The following LRCH1 variants were observed in gnomAD, a reference collection of about 807,000 sequenced individuals.
LRCH1 encodes the protein leucine-rich repeat and calponin homology domain-containing protein 1.
LRCH1 carries 23 observed loss-of-function variants against 94.9 expected under a neutral mutation model. The ratio of observed to expected loss-of-function variants is 0.24; its 90% CI spans 0.17 to 0.34. The LOEUF (loss-of-function observed/expected upper bound fraction) is 0.34, where lower values mean the gene tolerates loss of function less well. Ranked by LOEUF, LRCH1 falls within the 10% of genes least tolerant of loss-of-function variation. The pLI, the probability that LRCH1 is intolerant of heterozygous loss-of-function variation, is 1.00. For missense variants in LRCH1, 790 were observed against 945.9 expected (o/e 0.84, Z 2.16); for synonymous variants, 364 against 354.9 (o/e 1.03, Z -0.29).
rs1871685971 is a variant in LRCH1 at position 46,705,126 on chromosome 13, G to A, written c.1459G>A (p.Glu487Lys). 5 of 1,609,264 alleles carry A rather than the reference G, an allele frequency of 3.1e-6. No individual in the cohort carries two copies. The highest frequency in any genetic ancestry group is 1.3e-5 in the African/African-American group (1 of 74,750). ...AAACCTATATCCTATGGGATCAGCA[G>A]AAGCCTTAGAATTACAAGATTCTGC... is the stretch of plus-strand genomic sequence containing the variant. ...VLNLYPMGSA[E>K]ALELQDSALN... Residue 487 changes from glutamate (E) to lysine (K), a missense_variant, in exon 12 of 20, where the codon GAA becomes AAA. By Grantham distance (56) the Glu-to-Lys change is moderately conservative (BLOSUM62 1). This residue lies in a region of LRCH1 where 460 missense variants were observed against 508.9 expected (regional missense o/e 0.90). Transcript: ENST00000389797.
chr13:46,728,900 C>G lies in LRCH1; in HGVS notation c.1923C>G (p.Leu641=), dbSNP rs762945419. 1.2e-6 allele frequency: 2 copies of G among 1,613,554 alleles called. No homozygotes were observed. The highest frequency in any genetic ancestry group is 1.3e-5 in the African/African-American group (1 of 74,930). The stretch of plus-strand genomic sequence containing the variant: ...TACACGAAGACCTGGGGGCAGCCCT[C>G]ATGGATGGTGTCGTCCTCTGCCATC... ...VSLHEDLGAA[L]MDGVVLCHLV... Residue 641 remains leucine, a synonymous_variant, in exon 18 of 20, where the codon CTC becomes CTG. Coordinates refer to ENST00000389797, the MANE Select transcript of LRCH1 (RefSeq NM_001164211.2).
At chr13:46,746,886 C>T (rs965186410), downstream of LRCH1, among the ~76,000 whole-genome samples, 7 of 152,172 alleles carry the variant, frequency 4.6e-5, no homozygotes, top group African/African-American at 1.7e-4. Flanking sequence ...TGGGACGCCT[C>T]CTGGTTGGAA....
chr13:46,750,137 C>T (rs17068800), intron 18 of LRCH1, among the ~76,000 whole-genome samples: 1,561 of 152,108 alleles, frequency 0.01, 28 homozygotes, highest in African/African-American at 0.035. Flanking sequence ...AATGTGTGGT[C>T]GGTACAAATG....
At position 46,741,842 on chromosome 13, in the gene LRCH1, C is replaced by T. The variant is rs535116701; in HGVS notation, c.2286C>T (p.Ser762=). 2.8e-5 allele frequency: 45 copies of T among 1,613,972 alleles called. No homozygotes were observed. The highest frequency in any genetic ancestry group is 1.7e-4 in the Middle Eastern group (1 of 5,876). Residue 762 remains serine (S), a synonymous_variant, in exon 20 of 20, where the codon TCC becomes TCT. Coordinates refer to ENST00000389797, the MANE Select transcript of LRCH1 (RefSeq NM_001164211.2). ...TCACTTACCACTGGAATGCTCTGTCCGCATAATGTCTGCACGTGCATCCAA... is the reference window on the plus strand; with the variant it reads ...TCACTTACCACTGGAATGCTCTGTCTGCATAATGTCTGCACGTGCATCCAA... The part of the protein sequence containing the change: ...VYITYHWNAL[S]A
At chr13:46,570,913 A>G (rs2050234107) in intron 1 of LRCH1, among the ~76,000 whole-genome samples, 1 of 152,168 alleles carries the variant, frequency 6.6e-6, no homozygotes, top group Non-Finnish European at 1.5e-5. Context: ...CAGATTTTTA[A>G]ATTGCTGTGT....
chr13:46,700,894 A>G (rs1249004786), intron 10 of LRCH1, among the ~76,000 whole-genome samples: 3 of 152,272 alleles, frequency 2.0e-5, no homozygotes, highest in East Asian at 1.9e-4. Flanking sequence ...TGAAAATCTT[A>G]TGTGAGCTGC....
intron 1 of LRCH1, among the ~76,000 whole-genome samples, chr13:46,647,182 G>A (rs1022769248): frequency 4.0e-5 from 6 of 151,610 alleles, no homozygotes; most frequent in East Asian, 3.9e-4. Flanking sequence ...ATCTGTAGAT[G>A]AGAAAGACTG....
chr13:46,607,483 A>T (rs763563275), intron 1 of LRCH1, among the ~76,000 whole-genome samples: 2 of 152,160 alleles, frequency 1.3e-5, no homozygotes, highest in Non-Finnish European at 2.9e-5. Context: ...CTTTTTATAG[A>T]TAGAAACAAG....
chr13:46,672,249 A>T (rs2051610318), intron 3 of LRCH1, among the ~76,000 whole-genome samples: 1 of 151,356 alleles, frequency 6.6e-6, no homozygotes, highest in East Asian at 1.9e-4. Flanking sequence ...ATAATATTCC[A>T]CTGCCTGCAC....
In LRCH1 at chr13:46,574,821, G is replaced by GTTT. The variant is rs1566151493; in HGVS notation, c.307+21118_307+21119insTTT. 7.8e-4 allele frequency among the ~76,000 whole-genome samples: 105 copies of GTTT among 134,484 alleles called. 1 individual carries two copies. The highest frequency in any genetic ancestry group is 4.5e-3 in the Middle Eastern group (1 of 222). 88.2% of individuals were successfully genotyped at this position (134,484 alleles called of 152,430 possible). A position where few individuals can be genotyped will look rare whatever the true frequency, so the allele number is the denominator to read the frequency against. On this transcript the variant is annotated intron_variant, in intron 1 of 19. Transcript: ENST00000389797. Reference sequence around the variant, plus strand: ...TTGTCTGGCATTTATTTGTGTGTGGGGTTTTTTTTTTTTTTTTTTTTTTTT... The same window carrying GTTT: ...TTGTCTGGCATTTATTTGTGTGTGGGTTTGTTTTTTTTTTTTTTTTTTTTTTTT...
chr13:46,667,945 A>G (rs2051542904), intron 2 of LRCH1, among the ~76,000 whole-genome samples: 1 of 152,232 alleles, frequency 6.6e-6, no homozygotes, highest in East Asian at 1.9e-4. Flanking sequence ...GCATGTCTAT[A>G]AATACACTCA....
intron 1 of LRCH1, among the ~76,000 whole-genome samples, chr13:46,581,774 C>T (rs2050368172): frequency 6.6e-6 from 1 of 152,212 alleles, no homozygotes; most frequent in Non-Finnish European, 1.5e-5. Flanking sequence ...CAGAATATTC[C>T]ACCTACTGCC....
At chr13:46,726,579 T>A (rs1872825668) in intron 17 of LRCH1, among the ~76,000 whole-genome samples, 1 of 152,204 alleles carries the variant, frequency 6.6e-6, no homozygotes, top group South Asian at 2.1e-4. Context: ...CAGCAAGGGC[T>A]GAGTCAAGTG....
intron 1 of LRCH1, among the ~76,000 whole-genome samples, chr13:46,569,752 G>A (rs552513294): frequency 2.6e-5 from 4 of 152,216 alleles, no homozygotes; most frequent in East Asian, 1.9e-4. Flanking sequence ...TTTTCCATTA[G>A]TGTTCCCATA....
intron 1 of LRCH1, among the ~76,000 whole-genome samples, chr13:46,586,951 T>A (rs1020208060): frequency 1.1e-4 from 16 of 152,196 alleles, no homozygotes; most frequent in Non-Finnish European, 2.2e-4. Context: ...AGACAGTGAA[T>A]CTCACTGGGT....
intron 1 of LRCH1, among the ~76,000 whole-genome samples, chr13:46,593,661 G>A (rs555459400): frequency 7.2e-5 from 11 of 152,282 alleles, no homozygotes; most frequent in Middle Eastern, 3.4e-3. Context: ...ATGCCCCTTC[G>A]TTCCAGCTGC....
chr13:46,700,369 G>T (rs2138178733), intron 10 of LRCH1, among the ~76,000 whole-genome samples: 1 of 152,282 alleles, frequency 6.6e-6, no homozygotes, highest in Middle Eastern at 3.4e-3. Flanking sequence ...AAAAACGTTG[G>T]AAAGTTCCTC....
chr13:46,593,554 A>G (rs1182374943), intron 1 of LRCH1, among the ~76,000 whole-genome samples: 1 of 152,188 alleles, frequency 6.6e-6, no homozygotes, highest in African/African-American at 2.4e-5. Flanking sequence ...ATAAACCACA[A>G]TCTCAGAGAG....
At chr13:46,625,337 C>A (rs2050932591) in intron 1 of LRCH1, among the ~76,000 whole-genome samples, 1 of 152,310 alleles carries the variant, frequency 6.6e-6, no homozygotes, top group East Asian at 1.9e-4. Flanking sequence ...CGTTTGTGTC[C>A]CCCCACCCCA....
Sources: gnomAD v4.1 joint callset for allele counts (sites outside exome capture counted in the v4.1 genomes callset) on GRCh38, gnomAD v4.1.1 for gene constraint, gnomAD v4.1.1 regional missense constraint, MANE v1.5 for transcripts, NCBI Gene and HGNC (gene_info 2026-07-23, HGNC 2026-07-21) for gene names.